Variants in RBFOX1 observed in about 807,000 individuals in gnomAD.
RBFOX1 encodes RNA binding protein fox-1 homolog 1.
In RBFOX1, 8 loss-of-function variants were observed where a neutral mutation model predicts 57.7. That is an observed-to-expected ratio of 0.14 (90% CI 0.08 to 0.25). The LOEUF is 0.25. Ranked by LOEUF, RBFOX1 falls within the 10% of genes least tolerant of loss-of-function variation. The pLI is 1.00. For synonymous variants in RBFOX1, 326 were observed against 222.4 expected, an observed-to-expected ratio of 1.47 and a Z score of -4.15; for missense variants, 611 against 548.5, an observed-to-expected ratio of 1.11 and a Z score of -1.14.
At chr16:5,820,968 A>G (rs182481758) in intron 3 of RBFOX1, among the ~76,000 whole-genome samples, 1 of 152,048 alleles carries the variant, frequency 6.6e-6, no homozygotes, top group Admixed American at 6.6e-5. Flanking sequence ...CTGTGAGCCC[A>G]CCTCCTCTGG....
chr16:6,777,249 A>G (rs1432914505), intron 3 of RBFOX1, among the ~76,000 whole-genome samples: 2 of 152,170 alleles, frequency 1.3e-5, no homozygotes, highest in African/African-American at 2.4e-5. Flanking sequence ...ATTCTATCAC[A>G]TTATCTGGCA....
intron 1 of RBFOX1, among the ~76,000 whole-genome samples, chr16:6,312,711 T>TCCTC: frequency 1.4e-5 from 2 of 139,538 alleles, no homozygotes; most frequent in Non-Finnish European, 3.1e-5. Flanking sequence ...CTTCCTTCCT[T>TCCTC]CCTCCATTCC....
rs556941606 is a variant in RBFOX1 at position 7,588,461 on chromosome 16, G to A, written c.468+1161G>A. Among the ~76,000 whole-genome samples, 15 of 152,308 alleles carry A rather than the reference G, an allele frequency of 9.8e-5. No individual in the cohort carries two copies. In the Middle Eastern group the frequency reaches 0.014, roughly 138 times the overall value. ...ACAGGGGGTTAACAGGGAGAATGAT[G>A]GAGAACAAAGATGTGGATCTTGGTA... On this transcript the variant is annotated intron_variant, in intron 7 of 15. Transcript: ENST00000550418.
At chr16:7,170,568 T>C (rs565016222) in intron 4 of RBFOX1, among the ~76,000 whole-genome samples, 3 of 152,340 alleles carry the variant, frequency 2.0e-5, no homozygotes, top group Admixed American at 6.5e-5. Context: ...TTTAGCACTT[T>C]CCATGTGAGA....
At chr16:5,895,561 G>C (rs539864905) in intron 4 of RBFOX1, among the ~76,000 whole-genome samples, 1 of 152,196 alleles carries the variant, frequency 6.6e-6, no homozygotes, top group Non-Finnish European at 1.5e-5. Flanking sequence ...TACTGAGCTG[G>C]AGAAGGGTCT....
chr16:7,275,720 T>G (rs1249197810), intron 4 of RBFOX1, among the ~76,000 whole-genome samples: 1 of 152,206 alleles, frequency 6.6e-6, no homozygotes, highest in African/African-American at 2.4e-5. Flanking sequence ...TAATAGGCAT[T>G]GTTTTGATGG....
chr16:6,779,828 T>TA (rs1491323436), intron 3 of RBFOX1, among the ~76,000 whole-genome samples: 1 of 7,304 alleles, frequency 1.4e-4, no homozygotes, highest in African/African-American at 5.2e-4. Flanking sequence ...TTTATATATA[T>TA]TTTTATATAT....
intron 3 of RBFOX1, among the ~76,000 whole-genome samples, chr16:5,691,575 A>T (rs1280950453): frequency 6.6e-6 from 1 of 152,156 alleles, no homozygotes; most frequent in Non-Finnish European, 1.5e-5. Flanking sequence ...AATTTTTTCA[A>T]ATTTTGGAAT....
intron 5 of RBFOX1, among the ~76,000 whole-genome samples, chr16:7,576,633 G>T (rs2093360409): frequency 6.6e-6 from 1 of 152,156 alleles, no homozygotes; most frequent in Non-Finnish European, 1.5e-5. Context: ...ACAATGCAAA[G>T]ATTTCTCCAA....
intron 4 of RBFOX1, among the ~76,000 whole-genome samples, chr16:7,257,914 C>G (rs55653540): frequency 0.048 from 7,285 of 152,178 alleles, 572 homozygotes; most frequent in African/African-American, 0.16. Context: ...GAGATTCCAT[C>G]TTCGTATCTC....
rs369405388 is a variant in RBFOX1, at chr16:6,812,752, G to T, written c.-16+158102G>T. On this transcript the variant is annotated intron_variant, in intron 3 of 15. Coordinates refer to ENST00000550418, the MANE Select transcript of RBFOX1 (RefSeq NM_018723.4). ...GTGGCCTCATGCAACATGGATTGTT[G>T]GAGGCCTCATTTGTGCTCATAAGCG... Among the ~76,000 whole-genome samples, 7 of 152,160 alleles carry T rather than the reference G, an allele frequency of 4.6e-5. No individual in the cohort carries two copies. In the South Asian group the frequency reaches 1.2e-3, roughly 27 times the overall value.
chr16:6,113,607 G>A (rs953795695), intron 1 of RBFOX1, among the ~76,000 whole-genome samples: 2 of 152,124 alleles, frequency 1.3e-5, no homozygotes, highest in Non-Finnish European at 2.9e-5. Flanking sequence ...TATTGAAGCC[G>A]TGAAGTCATG....
chr16:6,062,768 T>C (rs552598321), intron 1 of RBFOX1, among the ~76,000 whole-genome samples: 17 of 152,154 alleles, frequency 1.1e-4, no homozygotes, highest in Non-Finnish European at 2.2e-4. Context: ...TGTGTGGAGA[T>C]ATTTACTCTT....
intron 4 of RBFOX1, among the ~76,000 whole-genome samples, chr16:7,314,822 A>G (rs111746008): frequency 6.6e-6 from 1 of 152,176 alleles, no homozygotes; most frequent in African/African-American, 2.4e-5. Context: ...CTTTAAACAA[A>G]GGGGTTTTTG....
chr16:7,386,156 G>A (rs2097876401), intron 4 of RBFOX1, among the ~76,000 whole-genome samples: 1 of 152,014 alleles, frequency 6.6e-6, no homozygotes, highest in South Asian at 2.1e-4. Context: ...GATCCCAACA[G>A]CCTCAGAGAT....
At chr16:6,141,398 C>T (rs944368684) in intron 1 of RBFOX1, among the ~76,000 whole-genome samples, 1 of 152,170 alleles carries the variant, frequency 6.6e-6, no homozygotes, top group Non-Finnish European at 1.5e-5. Flanking sequence ...TCTTTGATTT[C>T]TGCTTGTCGC....
chr16:6,474,209 C>A (rs1018093339), intron 2 of RBFOX1, among the ~76,000 whole-genome samples: 5 of 152,044 alleles, frequency 3.3e-5, no homozygotes, highest in African/African-American at 1.2e-4. Flanking sequence ...TACTATTATC[C>A]AGTTTTTATT....
chr16:5,738,031 G>C (rs973895079), intron 3 of RBFOX1, among the ~76,000 whole-genome samples: 1 of 141,868 alleles, frequency 7.0e-6, no homozygotes, highest in Non-Finnish European at 1.5e-5. Flanking sequence ...CCAGGCACCA[G>C]TGTGTGATGT....
intron 1 of RBFOX1, among the ~76,000 whole-genome samples, chr16:6,020,978 G>T (rs985975370): frequency 4.6e-5 from 7 of 152,280 alleles, no homozygotes; most frequent in Non-Finnish European, 8.8e-5. Flanking sequence ...AGAGCTCATC[G>T]CTCCTGTGTG....
Sources: gnomAD v4.1 joint callset for allele counts (sites outside exome capture counted in the v4.1 genomes callset) on GRCh38, gnomAD v4.1.1 for gene constraint, MANE v1.5 for transcripts, NCBI Gene and HGNC (gene_info 2026-07-23, HGNC 2026-07-21) for gene names.